PHF3: variants seen among roughly 807,000 people sequenced by gnomAD.
PHF3 encodes the protein PHD finger protein 3.
Under a neutral mutation model 178.4 loss-of-function variants are expected in PHF3, and 41 were observed. The ratio of observed to expected loss-of-function variants is 0.23; its 90% CI spans 0.18 to 0.30. PHF3 has a LOEUF of 0.30. PHF3 is among the 10% of genes least tolerant of loss of function. PHF3 has a pLI of 1.00. For synonymous variants in PHF3, 842 were observed against 800.5 expected (o/e 1.05, Z -0.88); for missense variants, 2,346 against 2,398.1 (o/e 0.98, Z 0.45).
chr6:63,706,777 A>G lies in PHF3; in HGVS notation c.3612A>G (p.Arg1204=), dbSNP rs767364920. 3.1e-6 allele frequency: 5 copies of G among 1,613,870 alleles called. No homozygotes were observed. Among genetic ancestry groups the G allele is most frequent in the Non-Finnish European group, 4.2e-6 (5 of 1,179,936 alleles). ...AAGTTGAGTCTACCTTTCTGGCTCGATTGAACTTCATCTGGAAAGGTTTTA... is the reference window on the plus strand; with the variant it reads ...AAGTTGAGTCTACCTTTCTGGCTCGGTTGAACTTCATCTGGAAAGGTTTTA... ...TVEVESTFLA[R]LNFIWKGFIN... The change falls in exon 13 of 16, where the codon CGA becomes CGG. Residue 1204 remains arginine (R), a synonymous_variant. Coordinates refer to ENST00000262043, the MANE Select transcript of PHF3 (RefSeq NM_001370348.2).
At position 63,711,285 on chromosome 6, in the gene PHF3, A is replaced by G; in HGVS notation, c.3920A>G (p.Gln1307Arg). ...GGAGTAGCTGCTAACAACATGAAGC[A>G]GGTTAAAGATATGTACCTTATTCCT... ...RYGVAANNMK[Q>R]VKDMYLIPLG... is the part of the protein sequence containing the mutation. Residue 1307 changes from glutamine to arginine, a missense_variant, in exon 15 of 16, where the codon CAG (glutamine) becomes CGG (arginine). By Grantham distance (43) the Gln-to-Arg change is conservative. Transcript: ENST00000262043. 2 of 1,613,794 alleles carry G rather than the reference A, an allele frequency of 1.2e-6. No homozygotes were observed. Among genetic ancestry groups the G allele is most frequent in the Non-Finnish European group, 1.7e-6 (2 of 1,179,774 alleles).
At chr6:63,701,071 G>A (rs1258476917) in intron 9 of PHF3, among the ~76,000 whole-genome samples, 4 of 152,160 alleles carry the variant, frequency 2.6e-5, no homozygotes, top group Admixed American at 6.5e-5. Flanking sequence ...TTTTTCAGCA[G>A]CACAGTTTGA....
intron 4 of PHF3, among the ~76,000 whole-genome samples, chr6:63,689,561 C>T (rs1455954317): frequency 1.3e-5 from 2 of 152,100 alleles, no homozygotes; most frequent in African/African-American, 4.8e-5. Flanking sequence ...TTTTCTCTCT[C>T]TCAAAAACTC....
chr6:63,670,298 C>T (rs746932840), intron 2 of PHF3, among the ~76,000 whole-genome samples: 4 of 152,034 alleles, frequency 2.6e-5, no homozygotes, highest in African/African-American at 7.3e-5. Context: ...GATGGAGTCT[C>T]GCTCTTAACG....
Position 63,691,673 on chromosome 6 carries a change from A to G in PHF3, c.2190-64A>G, listed in dbSNP as rs1181552003. 12 of 1,353,082 alleles carry G rather than the reference A, an allele frequency of 8.9e-6. No individual in the cohort carries two copies. The East Asian group carries it at 1.2e-4, about 13-fold the overall frequency. The allele number at this position is 1,353,082 out of a possible 1,614,324, so 83.8% of individuals were successfully genotyped here. A position where few individuals can be genotyped will look rare whatever the true frequency, so the allele number is the denominator to read the frequency against. On this transcript the variant is annotated intron_variant, in intron 4 of 15. Transcript: ENST00000262043. ...GATATTGAAAATTTAATTTAGCCTC[A>G]TTTTTGACATAGATTTTCTTGTTAA...
rs146587107 is a variant in PHF3 at position 63,652,312 on chromosome 6, G to A, written c.244+5517G>A. Reference sequence around the variant, plus strand: ...ATTAGTGAAGTTGAGCATTTTCTTCGTATGCCTGTTAGTCATTTGTATGTC... The same window carrying A: ...ATTAGTGAAGTTGAGCATTTTCTTCATATGCCTGTTAGTCATTTGTATGTC... On this transcript the variant is annotated intron_variant, in intron 2 of 15. Coordinates refer to ENST00000262043, the MANE Select transcript of PHF3 (RefSeq NM_001370348.2). 2.5e-3 allele frequency among the ~76,000 whole-genome samples: 381 copies of A among 152,124 alleles called. 1 individual carries two copies. The highest frequency in any genetic ancestry group is 7.7e-3 in the East Asian group (40 of 5,180).
At chr6:63,662,883 C>T (rs749615204) in intron 2 of PHF3, among the ~76,000 whole-genome samples, 12 of 152,134 alleles carry the variant, frequency 7.9e-5, no homozygotes, top group Non-Finnish European at 1.3e-4. Flanking sequence ...AGCTAATTTT[C>T]TATAAACAGA....
chr6:63,667,387 G>A (rs1765725239), intron 2 of PHF3, among the ~76,000 whole-genome samples: 4 of 152,038 alleles, frequency 2.6e-5, no homozygotes, highest in Admixed American at 2.6e-4. Context: ...ACAAAGTACA[G>A]TATACTCACA....
intron 1 of PHF3, among the ~76,000 whole-genome samples, chr6:63,642,029 G>A (rs1764598765): frequency 6.6e-6 from 1 of 152,056 alleles, no homozygotes; most frequent in Non-Finnish European, 1.5e-5. Flanking sequence ...TATTTTGTTA[G>A]TATAAACTAA....
At chr6:63,673,116 A>AT (rs1273815743) in intron 2 of PHF3, among the ~76,000 whole-genome samples, 3,199 of 145,966 alleles carry the variant, frequency 0.022, 41 homozygotes, top group African/African-American at 0.045. Flanking sequence ...TATGCTTGGG[A>AT]TTTTTTTTTT....
At position 63,718,329 on chromosome 6, in the gene PHF3, CT is replaced by C. The variant is rs372334115; in HGVS notation, c.*4625del. On this transcript the variant is annotated 3_prime_UTR_variant, in exon 16 of 16. Transcript: ENST00000262043. Reference sequence around the variant, plus strand: ...AAGCTTTAAGGCAGCAATTCTCAAACTTTTGTTTTCAAGACCCCTTACACTC... The same window carrying C: ...AAGCTTTAAGGCAGCAATTCTCAAACTTTGTTTTCAAGACCCCTTACACTC... Among the ~76,000 whole-genome samples the C allele has an allele frequency of 8.0e-4, 122 of 152,026 alleles. No individual in the cohort carries two copies. The highest frequency in any genetic ancestry group is 2.7e-3 in the African/African-American group (113 of 41,514).
intron 2 of PHF3, among the ~76,000 whole-genome samples, chr6:63,667,033 C>CG (rs1409183155): frequency 1.3e-5 from 2 of 151,814 alleles, no homozygotes; most frequent in African/African-American, 2.4e-5. Context: ...ATTGCAGAGG[C>CG]GGGGTCTCCT....
In PHF3 at chr6:63,709,139, T is replaced by C; in HGVS notation, c.3712-12T>C. ...ATATATATTGATCTCTTTTTTTTTTTTTTAACCATAGGACCTACCAGATAG... is the reference window on the plus strand; with the variant it reads ...ATATATATTGATCTCTTTTTTTTTTCTTTAACCATAGGACCTACCAGATAG... On this transcript the variant is annotated splice_polypyrimidine_tract_variant and intron_variant, in intron 13 of 15. Transcript: ENST00000262043. The C allele has an allele frequency of 1.4e-6, 2 of 1,459,090 alleles. No homozygotes were observed. The highest frequency in any genetic ancestry group is 9.4e-7 in the Non-Finnish European group (1 of 1,068,076). 90.4% of individuals were successfully genotyped at this position (1,459,090 alleles called of 1,614,324 possible).
chr6:63,684,469 A>G lies in PHF3; in HGVS notation c.747A>G (p.Pro249=). 1 of 1,613,766 alleles carries G rather than the reference A, an allele frequency of 6.2e-7. No individual in the cohort carries two copies. Among genetic ancestry groups the G allele is most frequent in the Non-Finnish European group, 8.5e-7 (1 of 1,179,664 alleles). ...KCNNPGEIDV[P]SHELNCSLLS... ...ATAATCCGGGAGAAATAGATGTGCC[A>G]TCTCATGAATTAAATTGTTCACTTC... Residue 249 remains proline (P), a synonymous_variant, in exon 4 of 16, where the codon CCA becomes CCG. Coordinates refer to ENST00000262043, the MANE Select transcript of PHF3 (RefSeq NM_001370348.2).
At chr6:63,638,863 C>A (rs1033352155) in intron 1 of PHF3, among the ~76,000 whole-genome samples, 3 of 151,952 alleles carry the variant, frequency 2.0e-5, no homozygotes, top group South Asian at 2.1e-4. Context: ...AGAACACAGT[C>A]AAAAAATATT....
At chr6:63,666,807 A>G (rs1054304163) in intron 2 of PHF3, among the ~76,000 whole-genome samples, 2 of 149,618 alleles carry the variant, frequency 1.3e-5, no homozygotes, top group Non-Finnish European at 3.0e-5. Flanking sequence ...GCTGGAGTGC[A>G]GTGGTGTAAT....
At position 63,685,780 on chromosome 6, in the gene PHF3, A is replaced by G; in HGVS notation, c.2058A>G (p.Pro686=). 1 of 1,614,058 alleles carries G rather than the reference A, an allele frequency of 6.2e-7. No individual in the cohort carries two copies. The highest frequency in any genetic ancestry group is 8.5e-7 in the Non-Finnish European group (1 of 1,180,012). ...GCAAAAGTTTTTCTTTAGATGAGCC[A>G]CCATTGTTCATTCCAGATAACATAG... ...RSSKSFSLDE[P]PLFIPDNIAT... Residue 686 remains proline (P), a synonymous_variant, in exon 4 of 16, where the codon CCA becomes CCG. Transcript: ENST00000262043.
intron 2 of PHF3, among the ~76,000 whole-genome samples, chr6:63,659,973 C>T (rs1765397080): frequency 6.6e-6 from 1 of 152,074 alleles, no homozygotes; most frequent in Non-Finnish European, 1.5e-5. Flanking sequence ...AAGATCAGTG[C>T]TCTAAATCGG....
chr6:63,708,881 C>G (rs76765583), intron 13 of PHF3, among the ~76,000 whole-genome samples: 5,787 of 152,238 alleles, frequency 0.038, 194 homozygotes, highest in South Asian at 0.14. Context: ...CATTGCTTCC[C>G]TTTCCCATCT....
Sources: gnomAD v4.1 joint callset for allele counts (sites outside exome capture counted in the v4.1 genomes callset) on GRCh38, gnomAD v4.1.1 for gene constraint, MANE v1.5 for transcripts, NCBI Gene and HGNC (gene_info 2026-07-23, HGNC 2026-07-21) for gene names.